BMP4: variants seen among roughly 807,000 people sequenced by gnomAD.
The protein encoded by BMP4 is bone morphogenetic protein 2B.
A neutral mutation model predicts 29.6 loss-of-function variants in BMP4; 3 were observed. The ratio of observed to expected loss-of-function variants is 0.10; its 90% confidence interval spans 0.05 to 0.26. BMP4 has a LOEUF of 0.26. Ranked by LOEUF, BMP4 falls within the 10% of genes least tolerant of loss-of-function variation. The pLI is 1.00. For synonymous variants in BMP4, 197 were observed against 213.2 expected, an observed-to-expected ratio of 0.92 and a Z score of 0.66; for missense variants, 455 against 550.2, an observed-to-expected ratio of 0.83 and a Z score of 1.73.
Position 53,956,743 on chromosome 14 carries a change from C to G in BMP4, c.-326G>C, listed in dbSNP as rs1895735358. 2.5e-6 allele frequency: 1 copy of G among 399,572 alleles called. No homozygotes were observed. The highest frequency in any genetic ancestry group is 4.4e-6 in the Non-Finnish European group (1 of 226,560). The allele number at this position is 399,572 out of a possible 1,614,324, so 24.8% of individuals were successfully genotyped here. The stretch of plus-strand genomic sequence containing the variant: ...CGTCTCAGGCTCGCGTCCCTCAGCT[C>G]GGATGCCACACTCACCTAGCTTCCG... On this transcript the variant is annotated 5_prime_UTR_variant, in exon 1 of 4. Transcript: ENST00000245451.
rs565895316 is a variant in BMP4 at position 53,952,134 on chromosome 14, G to A, written c.89C>T (p.Thr30Met). Reference protein sequence around the residue: ...GASHASLIPETGKKKVAEIQG... With the variant: ...GASHASLIPEMGKKKVAEIQG... ...AATCTCGGCGACTTTTTTCTTCCCC[G>A]TCTCAGGTATCAAACTAGCATGGCT... is the stretch of plus-strand genomic sequence containing the variant. Residue 30 changes from threonine (T) to methionine (M), a missense_variant, in exon 3 of 4, where the codon ACG becomes ATG. Thr to Met is a moderately conservative substitution (Grantham distance 81). Coordinates refer to ENST00000245451, the MANE Select transcript of BMP4 (RefSeq NM_001202.6). 17 of 1,613,802 alleles carry A rather than the reference G, an allele frequency of 1.1e-5. No individual in the cohort carries two copies. The Admixed American group carries it at 2.8e-4, about 27-fold the overall frequency.
At chr14:53,951,692 C>T in intron 3 of BMP4, 161 bp downstream of exon 3, 1 of 1,166,646 alleles carries the variant, frequency 8.6e-7, no homozygotes, top group East Asian at 2.4e-5. Context: ...AAAATAAGTT[C>T]GGCGGCAGCT....
At chr14:53,953,476 G>A (rs1041688888) in intron 1 of BMP4, 76 bp from the exon 2 acceptor site, 1 of 397,276 alleles carries the variant, frequency 2.5e-6, no homozygotes, top group Non-Finnish European at 4.4e-6. Flanking sequence ...TCGGAGTCAC[G>A]TGAGCGCCGA....
At position 53,954,432 on chromosome 14, in the gene BMP4, G is replaced by A. The variant is rs955425557; in HGVS notation, c.-132-1032C>T. 4 of 152,112 alleles carry A rather than the reference G, an allele frequency of 2.6e-5. No homozygotes were observed. The highest frequency in any genetic ancestry group is 4.4e-5 in the Non-Finnish European group (3 of 68,036). The allele number at this position is 152,112 out of a possible 1,614,324, so 9.4% of individuals were successfully genotyped here. ...AAAGGAAATCCCACCATGTTCCCCG[G>A]AGTCGAGAAAACGGTGAACAGCTTT... On this transcript the variant is annotated intron_variant, in intron 1 of 3. Coordinates refer to ENST00000245451, the MANE Select transcript of BMP4 (RefSeq NM_001202.6). The surrounding 1 kb of genome is among the most constrained non-coding windows in gnomAD (Gnocchi z 4.8).
chr14:53,951,708 A>G, intron 3 of BMP4, 145 bp downstream of exon 3: 1 of 1,324,638 alleles, frequency 7.5e-7, no homozygotes, highest in South Asian at 1.4e-5. Flanking sequence ...CAGCTCTGCA[A>G]ATTCTTGGAG....
intron 1 of BMP4, 166 bp from the exon 2 acceptor site, chr14:53,953,566 C>G: frequency 5.3e-6 from 2 of 376,248 alleles, no homozygotes; most frequent in Non-Finnish European, 9.4e-6. Context: ...CGGGCCCGCC[C>G]CTCCAGGCGA....
rs1566578711 is a variant in BMP4, at chr14:53,950,323, C to T, written c.936G>A (p.Ser312=). The T allele has an allele frequency of 4.3e-6, 7 of 1,614,154 alleles. No individual in the cohort carries two copies. Among genetic ancestry groups the T allele is most frequent in the East Asian group, 2.2e-5 (1 of 44,876 alleles). ...CCACATCGCTGAAGTCCACATAGAGCGAGTGGCGCCGGCAGTTCTTATTCT... is the reference window on the plus strand; with the variant it reads ...CCACATCGCTGAAGTCCACATAGAGTGAGTGGCGCCGGCAGTTCTTATTCT... The part of the protein sequence containing the change: ...RKKNKNCRRH[S]LYVDFSDVGW... Residue 312 remains serine (S), a synonymous_variant, in exon 4 of 4, where the codon TCG becomes TCA. Transcript: ENST00000245451. The surrounding 1 kb of genome is among the most constrained non-coding windows in gnomAD (Gnocchi z 5.4).
Position 53,950,896 on chromosome 14 carries a change from C to G in BMP4, c.371-8G>C, listed in dbSNP as rs1389553487. ...GGATGTTCTCCAGATGTTCTAGGCA[C>G]AGTTAGGAAGGAAGGGGAAAAGAAA... On this transcript the variant is annotated splice_polypyrimidine_tract_variant and splice_region_variant and intron_variant, in intron 3 of 3. Transcript: ENST00000245451. The surrounding 1 kb of genome is among the most constrained non-coding windows in gnomAD (Gnocchi z 5.4). 1 of 1,600,652 alleles carries G rather than the reference C, an allele frequency of 6.2e-7. No individual in the cohort carries two copies. The highest frequency in any genetic ancestry group is 2.2e-5 in the East Asian group (1 of 44,878).
chr14:53,956,796 T>G lies in BMP4; in HGVS notation c.-379A>C. On this transcript the variant is annotated 5_prime_UTR_variant, in exon 1 of 4. Coordinates refer to ENST00000245451, the MANE Select transcript of BMP4 (RefSeq NM_001202.6). Reference sequence around the variant, plus strand: ...CCGGGCTCCGCGCTCCTTCCCTCCCTCCCTCCTCCTCTGCCTTCTCGCATC... The same window carrying G: ...CCGGGCTCCGCGCTCCTTCCCTCCCGCCCTCCTCCTCTGCCTTCTCGCATC... The G allele has an allele frequency of 2.5e-6, 1 of 398,570 alleles. No individual in the cohort carries two copies. The highest frequency in any genetic ancestry group is 3.6e-5 in the East Asian group (1 of 28,040). The allele number at this position is 398,570 out of a possible 1,614,324, so 24.7% of individuals were successfully genotyped here.
intron 2 of BMP4, 56 bp downstream of exon 2, chr14:53,953,220 G>A (rs1895540612): frequency 5.1e-6 from 2 of 394,848 alleles, no homozygotes; most frequent in East Asian, 7.2e-5. Flanking sequence ...CGGCGAGCAG[G>A]GGTGGTGAGG....
At position 53,954,878 on chromosome 14, in the gene BMP4, G is replaced by A. The variant is rs1363476959; in HGVS notation, c.-132-1478C>T. Among the ~76,000 whole-genome samples the A allele has an allele frequency of 6.6e-6, 1 of 152,192 alleles. No individual in the cohort carries two copies. On this transcript the variant is annotated intron_variant, in intron 1 of 3. Coordinates refer to ENST00000245451, the MANE Select transcript of BMP4 (RefSeq NM_001202.6). The surrounding 1 kb of genome is among the most constrained non-coding windows in gnomAD (Gnocchi z 4.8). ...GTCGCTCCGGAGCTCAAGAACTCGG[G>A]TTGCCTGCCGCCCCACTCTCCACGC...
At position 53,954,225 on chromosome 14, in the gene BMP4, C is replaced by G. The variant is rs1051390360; in HGVS notation, c.-132-825G>C. 1.3e-5 allele frequency among the ~76,000 whole-genome samples: 2 copies of G among 152,046 alleles called. No homozygotes were observed. Among genetic ancestry groups the G allele is most frequent in the African/African-American group, 4.8e-5 (2 of 41,396 alleles). ...CCGAGAATCCCCAAACCTAGTCCGC[C>G]GCTGCGTGGCCCCTCTCCCCATGCA... On this transcript the variant is annotated intron_variant, in intron 1 of 3. Transcript: ENST00000245451. The surrounding 1 kb of genome is among the most constrained non-coding windows in gnomAD (Gnocchi z 4.8).
chr14:53,952,163 G>C lies in BMP4; in HGVS notation c.60C>G (p.Gly20=), dbSNP rs1445286061. ...VVLLCQVLLG[G]ASHASLIPET... ...CAGGTATCAAACTAGCATGGCTCGC[G>C]CCTCCTAGCAGGACTTGGCATAATA... The change falls in exon 3 of 4, where the codon GGC becomes GGG. Residue 20 remains glycine (G), a synonymous_variant. Coordinates refer to ENST00000245451, the MANE Select transcript of BMP4 (RefSeq NM_001202.6). The C allele has an allele frequency of 6.2e-7, 1 of 1,613,930 alleles. No individual in the cohort carries two copies.
chr14:53,956,783 C>T lies in BMP4; in HGVS notation c.-366G>A. 1 of 399,902 alleles carries T rather than the reference C, an allele frequency of 2.5e-6. No homozygotes were observed. 24.8% of individuals were successfully genotyped at this position (399,902 alleles called of 1,614,324 possible). A position where few individuals can be genotyped will look rare whatever the true frequency, so the allele number is the denominator to read the frequency against. On this transcript the variant is annotated 5_prime_UTR_variant, in exon 1 of 4. Coordinates refer to ENST00000245451, the MANE Select transcript of BMP4 (RefSeq NM_001202.6). The stretch of plus-strand genomic sequence containing the variant: ...CCTAGCTTCCGGGCCGGGCTCCGCG[C>T]TCCTTCCCTCCCTCCCTCCTCCTCT...
In BMP4 at chr14:53,954,368, T is replaced by A. The variant is rs1895623299; in HGVS notation, c.-132-968A>T. ...AGGACGCATCACAGTTTTCAGATCT[T>A]AATGTGGCCGAGGTTTTACAACTCC... On this transcript the variant is annotated intron_variant, in intron 1 of 3. Coordinates refer to ENST00000245451, the MANE Select transcript of BMP4 (RefSeq NM_001202.6). The surrounding 1 kb of genome is among the most constrained non-coding windows in gnomAD (Gnocchi z 4.8). The A allele has an allele frequency of 6.6e-6, 1 of 152,118 alleles. No homozygotes were observed. The highest frequency in any genetic ancestry group is 1.5e-5 in the Non-Finnish European group (1 of 68,040). The allele number at this position is 152,118 out of a possible 1,614,324, so 9.4% of individuals were successfully genotyped here. A position where few individuals can be genotyped will look rare whatever the true frequency, so the allele number is the denominator to read the frequency against.
chr14:53,953,407 G>T lies in BMP4; in HGVS notation c.-132-7C>A. ...TGGCACTACGGAATGGCTCCTAAAAGGAATATTTGAATATAATGAGACTCC... is the reference window on the plus strand; with the variant it reads ...TGGCACTACGGAATGGCTCCTAAAATGAATATTTGAATATAATGAGACTCC... On this transcript the variant is annotated splice_polypyrimidine_tract_variant and splice_region_variant and intron_variant, in intron 1 of 3. Coordinates refer to ENST00000245451, the MANE Select transcript of BMP4 (RefSeq NM_001202.6). 1 of 399,086 alleles carries T rather than the reference G, an allele frequency of 2.5e-6. No homozygotes were observed. Among genetic ancestry groups the T allele is most frequent in the African/African-American group, 2.1e-5 (1 of 48,766 alleles). 24.7% of individuals were successfully genotyped at this position (399,086 alleles called of 1,614,324 possible).
rs1566578160 is a variant in BMP4 at position 53,949,982 on chromosome 14, G to C, written c.*50C>G. ...GGAACGTGTGTGTGTGGTGTATGTG[G>C]TGTGTGTGTGTGGTGTGTATATCTG... On this transcript the variant is annotated 3_prime_UTR_variant, in exon 4 of 4. Coordinates refer to ENST00000245451, the MANE Select transcript of BMP4 (RefSeq NM_001202.6). 2 of 1,495,338 alleles carry C rather than the reference G, an allele frequency of 1.3e-6. No individual in the cohort carries two copies. The highest frequency in any genetic ancestry group is 1.8e-6 in the Non-Finnish European group (2 of 1,085,564). 92.6% of individuals were successfully genotyped at this position (1,495,338 alleles called of 1,614,324 possible).
chr14:53,952,344 A>G (rs1384488625), intron 2 of BMP4, 115 bp from the exon 3 acceptor site: 37 of 1,290,474 alleles, frequency 2.9e-5, no homozygotes, highest in Non-Finnish European at 3.6e-5. Context: ...GGCAAGATGG[A>G]AAGCAGGTCA....
intron 2 of BMP4, 66 bp downstream of exon 2, chr14:53,953,210 C>G (rs963790444): frequency 7.6e-6 from 3 of 393,546 alleles, no homozygotes; most frequent in Admixed American, 4.4e-5. Flanking sequence ...AAGGGACAGC[C>G]GGCGAGCAGG....
Sources: allele counts gnomAD v4.1 joint callset (sites outside exome capture counted in the v4.1 genomes callset), GRCh38; gene constraint gnomAD v4.1.1; non-coding constraint Gnocchi (gnomAD v3.1); transcripts MANE v1.5; gene names NCBI Gene and HGNC (gene_info 2026-07-23, HGNC 2026-07-21).